ROBO1: variants seen among roughly 807,000 people sequenced by gnomAD.
ROBO1 encodes roundabout guidance receptor 1, also known as roundabout homolog 1.
ROBO1 carries 149 observed loss-of-function variants against 195.9 expected under a neutral mutation model. The observed-to-expected ratio is 0.76, with a 90% confidence interval of 0.67 to 0.87. The LOEUF (loss-of-function observed/expected upper bound fraction) is 0.87, where lower values mean the gene tolerates loss of function less well. ROBO1 is among the 40% of genes least tolerant of loss of function. The probability of loss-of-function intolerance (pLI) is 0.00; values close to 1 mark genes in which losing one functional copy is unlikely to be tolerated. For missense variants in ROBO1, 1,933 were observed against 2,068.3 expected (o/e 0.93, Z 1.27); for synonymous variants, 816 against 733.2 (o/e 1.11, Z -1.82).
chr3:78,661,954 C>A, intron 15 of ROBO1, 39 bp downstream of exon 15: 1 of 1,593,110 alleles, frequency 6.3e-7, no homozygotes, highest in South Asian at 1.1e-5. Context: ...ATCTCGCAGA[C>A]GCTTATTAAA....
intron 3 of ROBO1, among the ~76,000 whole-genome samples, chr3:78,975,180 A>G (rs528327038): frequency 3.3e-4 from 50 of 152,310 alleles, no homozygotes; most frequent in African/African-American, 1.2e-3. Context: ...CTCTTAGACT[A>G]ATCTCACTCT....
intron 4 of ROBO1, among the ~76,000 whole-genome samples, chr3:78,767,158 T>A (rs573693633): frequency 6.6e-6 from 1 of 152,178 alleles, no homozygotes; most frequent in Non-Finnish European, 1.5e-5. Flanking sequence ...GGGTTCCTTC[T>A]TTTTCTGTCT....
rs143857688 is a variant in ROBO1, at chr3:79,660,819, C to T, written c.-50-70858G>A. Among the ~76,000 whole-genome samples the T allele has an allele frequency of 2.6e-5, 4 of 152,236 alleles. No individual in the cohort carries two copies. The East Asian group carries it at 7.8e-4, about 30-fold the overall frequency. On this transcript the variant is annotated intron_variant, in intron 1 of 30. Coordinates refer to ENST00000464233, the MANE Select transcript of ROBO1 (RefSeq NM_002941.4). ...AAAGCACAATGACCTTAGAAGCAGA[C>T]TCCTCAGAAGTCAGAGTCTGTGTTA... is the stretch of plus-strand genomic sequence containing the variant.
chr3:79,114,040 G>C (rs944299848), intron 3 of ROBO1, among the ~76,000 whole-genome samples: 1 of 152,146 alleles, frequency 6.6e-6, no homozygotes, highest in East Asian at 1.9e-4. Context: ...CATGAAATCT[G>C]ATAAATGGTT....
intron 2 of ROBO1, among the ~76,000 whole-genome samples, chr3:79,184,389 G>A (rs2081398897): frequency 6.6e-6 from 1 of 152,118 alleles, no homozygotes; most frequent in Non-Finnish European, 1.5e-5. Context: ...TAGATTTCCA[G>A]TGCAGCAGAC....
chr3:78,635,663 G>A (rs1368703129), intron 23 of ROBO1, 110 bp downstream of exon 23: 1 of 950,686 alleles, frequency 1.1e-6, no homozygotes, highest in East Asian at 2.6e-5. Flanking sequence ...GAAAATCTCA[G>A]CGACAGAAGA....
At chr3:78,809,164 A>C (rs373124324) in intron 4 of ROBO1, among the ~76,000 whole-genome samples, 1 of 151,900 alleles carries the variant, frequency 6.6e-6, no homozygotes, top group Non-Finnish European at 1.5e-5. Context: ...AAAAAAAAAC[A>C]TCAAAAAGTG....
intron 2 of ROBO1, among the ~76,000 whole-genome samples, chr3:79,465,915 C>T (rs961287176): frequency 4.6e-5 from 7 of 151,892 alleles, no homozygotes; most frequent in Admixed American, 4.6e-4. Context: ...GAATAAACTA[C>T]AACAATGATC....
chr3:78,834,120 C>T lies in ROBO1; in HGVS notation c.500-87220G>A, dbSNP rs543155546. 5.9e-5 allele frequency among the ~76,000 whole-genome samples: 9 copies of T among 151,996 alleles called. No homozygotes were observed. In the South Asian group the frequency reaches 1.3e-3, roughly 21 times the overall value. ...TTATGTACTACAAAGAGAAGGACAACAGTGAATGAATTAGGAAGAGATACA... is the reference window on the plus strand; with the variant it reads ...TTATGTACTACAAAGAGAAGGACAATAGTGAATGAATTAGGAAGAGATACA... On this transcript the variant is annotated intron_variant, in intron 4 of 30. Coordinates refer to ENST00000464233, the MANE Select transcript of ROBO1 (RefSeq NM_002941.4).
intron 4 of ROBO1, among the ~76,000 whole-genome samples, chr3:78,802,707 GCATCATCATCATCAT>G (rs58983750): frequency 3.3e-5 from 5 of 149,634 alleles, no homozygotes; most frequent in Admixed American, 6.7e-5. Flanking sequence ...CTGCGGTCTA[GCATCATCATCATCAT>G]CATCATCATC....
At chr3:79,179,850 T>C (rs1201132719) in intron 2 of ROBO1, among the ~76,000 whole-genome samples, 14 of 152,302 alleles carry the variant, frequency 9.2e-5, no homozygotes, top group Non-Finnish European at 2.1e-4. Flanking sequence ...TGATCTTGAA[T>C]TGGAGTAAAG....
At chr3:79,503,815 C>G (rs371760501) in intron 2 of ROBO1, among the ~76,000 whole-genome samples, 4 of 152,246 alleles carry the variant, frequency 2.6e-5, no homozygotes, top group South Asian at 4.1e-4. Context: ...TCTATAAAAA[C>G]TTTTCAGAAA....
chr3:79,294,275 A>G (rs1273785268), intron 2 of ROBO1, among the ~76,000 whole-genome samples: 1 of 152,050 alleles, frequency 6.6e-6, no homozygotes, highest in Non-Finnish European at 1.5e-5. Flanking sequence ...AACAGAACAG[A>G]CGCCTCAGAA....
intron 2 of ROBO1, among the ~76,000 whole-genome samples, chr3:79,134,003 A>C (rs1263574868): frequency 6.6e-6 from 1 of 151,750 alleles, no homozygotes; most frequent in Admixed American, 6.6e-5. Context: ...CAAAACACCA[A>C]AAGCAATGGC....
intron 1 of ROBO1, among the ~76,000 whole-genome samples, chr3:79,632,127 G>A (rs1945363295): frequency 6.6e-6 from 1 of 152,142 alleles, no homozygotes; most frequent in African/African-American, 2.4e-5. Context: ...TCCCACTACT[G>A]AGTATCTACC....
In ROBO1 at chr3:79,479,394, C is replaced by T. The variant is rs956264448; in HGVS notation, c.88+110430G>A. Among the ~76,000 whole-genome samples the T allele has an allele frequency of 1.1e-4, 16 of 152,260 alleles. No individual in the cohort carries two copies. The South Asian group carries it at 2.5e-3, about 24-fold the overall frequency. On this transcript the variant is annotated intron_variant, in intron 2 of 30. Transcript: ENST00000464233. ...TCACATTCCTATGAAAATTGAATGT[C>T]CCGCCTTTCTGACAGGAGGCAGAGC...
chr3:78,618,628 C>G (rs1318100216), intron 26 of ROBO1, among the ~76,000 whole-genome samples: 1 of 151,998 alleles, frequency 6.6e-6, no homozygotes, highest in Non-Finnish European at 1.5e-5. Context: ...GCTATGGAAG[C>G]CAAGAGTAAT....
intron 1 of ROBO1, among the ~76,000 whole-genome samples, chr3:79,720,366 T>C (rs748948963): frequency 2.0e-5 from 3 of 152,104 alleles, no homozygotes; most frequent in Non-Finnish European, 4.4e-5. Flanking sequence ...CAACATCAAC[T>C]GCCAGTCAAA....
chr3:79,029,182 C>T (rs2078251806), intron 3 of ROBO1, among the ~76,000 whole-genome samples: 1 of 152,044 alleles, frequency 6.6e-6, no homozygotes, highest in Non-Finnish European at 1.5e-5. Context: ...CTAACATCAT[C>T]TATTTCTTGA....
Sources: gnomAD v4.1 joint callset for allele counts (sites outside exome capture counted in the v4.1 genomes callset) on GRCh38, gnomAD v4.1.1 for gene constraint, MANE v1.5 for transcripts, NCBI Gene and HGNC (gene_info 2026-07-23, HGNC 2026-07-21) for gene names.